ARID4B: variants seen among roughly 807,000 people sequenced by gnomAD.
ARID4B encodes AT-rich interactive domain-containing protein 4B.
ARID4B carries 26 observed loss-of-function variants against 147.5 expected under a neutral mutation model. The ratio of observed to expected loss-of-function variants is 0.18; its 90% CI spans 0.13 to 0.24. The LOEUF is 0.24. ARID4B is among the 10% of genes least tolerant of loss of function. The pLI, the probability that ARID4B is intolerant of heterozygous loss-of-function variation, is 1.00. For missense variants in ARID4B, 1,179 were observed against 1,511.5 expected (o/e 0.78, Z 3.65); for synonymous variants, 512 against 507.9 (o/e 1.01, Z -0.11).
intron 17 of ARID4B, 104 bp downstream of exon 17, chr1:235,213,665 A>C: frequency 7.8e-7 from 1 of 1,280,382 alleles, no homozygotes; most frequent in South Asian, 1.5e-5. Flanking sequence ...CTATGACCTC[A>C]ATTAGAATAC....
At chr1:235,310,464 C>T (rs1009583382) in intron 2 of ARID4B, among the ~76,000 whole-genome samples, 1 of 152,180 alleles carries the variant, frequency 6.6e-6, no homozygotes, top group Non-Finnish European at 1.5e-5. Context: ...CATCTTTACA[C>T]CTGCTTCTTC....
intron 14 of ARID4B, among the ~76,000 whole-genome samples, 160 bp from the exon 15 acceptor site, chr1:235,220,705 A>G (rs1667404782): frequency 6.6e-6 from 1 of 152,126 alleles, no homozygotes; most frequent in Non-Finnish European, 1.5e-5. Context: ...TTCAATGCAA[A>G]AAAAAAATTT....
At chr1:235,289,487 G>A (rs1039378835) in intron 2 of ARID4B, among the ~76,000 whole-genome samples, 1 of 152,084 alleles carries the variant, frequency 6.6e-6, no homozygotes, top group South Asian at 2.1e-4. Flanking sequence ...ACACTGGGAG[G>A]CCGAGGTAGG....
chr1:235,208,563 C>T (rs1406961193), intron 17 of ARID4B, among the ~76,000 whole-genome samples: 5 of 151,952 alleles, frequency 3.3e-5, no homozygotes, highest in Admixed American at 6.6e-5. Context: ...AGTGCAATGG[C>T]GCAATCTCGG....
intron 2 of ARID4B, among the ~76,000 whole-genome samples, chr1:235,319,644 C>G (rs965151361): frequency 5.9e-5 from 9 of 152,026 alleles, no homozygotes; most frequent in Non-Finnish European, 1.0e-4. Flanking sequence ...TTTGACAATG[C>G]CTTCATGGTC....
At chr1:235,223,721 C>A (rs1469011381) in intron 12 of ARID4B, among the ~76,000 whole-genome samples, 1 of 129,046 alleles carries the variant, frequency 7.7e-6, no homozygotes. Flanking sequence ...CAAGAAAACG[C>A]AAGGCAAGGA....
intron 11 of ARID4B, 91 bp downstream of exon 11, chr1:235,229,140 T>C (rs1436940979): frequency 1.1e-5 from 15 of 1,382,344 alleles, no homozygotes; most frequent in East Asian, 2.3e-5. Flanking sequence ...AAAATACTTA[T>C]ATGAGTAATG....
At chr1:235,184,291 C>T (rs1571916752) in intron 19 of ARID4B, among the ~76,000 whole-genome samples, 1 of 151,994 alleles carries the variant, frequency 6.6e-6, no homozygotes, top group Non-Finnish European at 1.5e-5. Context: ...ATGCTGGTTA[C>T]TTTTGATACA....
At chr1:235,201,790 A>T (rs374948643) in intron 17 of ARID4B, among the ~76,000 whole-genome samples, 1 of 152,080 alleles carries the variant, frequency 6.6e-6, no homozygotes, top group Non-Finnish European at 1.5e-5. Flanking sequence ...AGGCTGAGGC[A>T]GGAGAATCAC....
intron 17 of ARID4B, among the ~76,000 whole-genome samples, chr1:235,206,594 A>AAAGGAAAATAAACAG (rs1187943910): frequency 6.6e-5 from 10 of 152,124 alleles, no homozygotes; most frequent in Non-Finnish European, 1.0e-4. Flanking sequence ...GAAAGGAAGA[A>AAAGGAAAATAAACAG]AAGGAAAATA....
chr1:235,326,828 G>C, intron 2 of ARID4B, 86 bp downstream of exon 2: 2 of 1,536,128 alleles, frequency 1.3e-6, no homozygotes, highest in Non-Finnish European at 9.0e-7. Flanking sequence ...TGCAAAACTC[G>C]GAAGCCCCAC....
At chr1:235,191,344 G>A (rs1024671140) in intron 19 of ARID4B, among the ~76,000 whole-genome samples, 3 of 151,802 alleles carry the variant, frequency 2.0e-5, no homozygotes, top group African/African-American at 7.3e-5. Flanking sequence ...TGCCTCCTGG[G>A]TTCAAGCGAT....
rs1298300384 is a variant in ARID4B, at chr1:235,219,945, T to G, written c.1431A>C (p.Glu477Asp). ...PSLGSKKNLLESIPTHSDQEK... is the reference protein window; with the variant it reads ...PSLGSKKNLLDSIPTHSDQEK... The stretch of plus-strand genomic sequence containing the variant: ...CCTGATCAGAATGTGTAGGTATAGA[T>G]TCTAATAAATTCTTTTTACTTCCCT... Residue 477 changes from glutamate (E) to aspartate (D), a missense_variant, in exon 16 of 24, where the codon GAA (glutamate) becomes GAC (aspartate). By Grantham distance (45) the Glu-to-Asp change is conservative (BLOSUM62 2). Around this residue, in one of 10 missense-constraint regions of ARID4B, gnomAD observed 204 missense variants for 210.9 expected, o/e 0.97. Coordinates refer to ENST00000264183, the MANE Select transcript of ARID4B (RefSeq NM_016374.6). 5 of 1,548,394 alleles carry G rather than the reference T, an allele frequency of 3.2e-6. No individual in the cohort carries two copies. The highest frequency in any genetic ancestry group is 4.3e-6 in the Non-Finnish European group (5 of 1,151,494).
intron 23 of ARID4B, among the ~76,000 whole-genome samples, chr1:235,171,059 T>C (rs895792419): frequency 6.6e-6 from 1 of 152,204 alleles, no homozygotes; most frequent in African/African-American, 2.4e-5. Context: ...AATATTCTAC[T>C]ATATTACAAC....
chr1:235,253,915 T>C (rs1669794489), intron 5 of ARID4B, among the ~76,000 whole-genome samples: 1 of 152,200 alleles, frequency 6.6e-6, no homozygotes, highest in Admixed American at 6.5e-5. Flanking sequence ...TATTGAGAAA[T>C]GATTAATGGT....
chr1:235,184,150 AATAGAT>A (rs1438685290), intron 19 of ARID4B, among the ~76,000 whole-genome samples: 2 of 152,224 alleles, frequency 1.3e-5, no homozygotes, highest in Non-Finnish European at 2.9e-5. Context: ...TGTTTTAAAG[AATAGAT>A]ATAATTAATT....
chr1:235,322,355 C>T (rs11586160), intron 2 of ARID4B, among the ~76,000 whole-genome samples: 19,982 of 152,118 alleles, frequency 0.13, 1,526 homozygotes, highest in African/African-American at 0.2. Context: ...AGCTTCATCT[C>T]CCACCACTGC....
At chr1:235,239,567 A>G (rs182246042) in intron 8 of ARID4B, among the ~76,000 whole-genome samples, 61 of 152,348 alleles carry the variant, frequency 4.0e-4, no homozygotes, top group African/African-American at 1.3e-3. Context: ...TGGTCTATAC[A>G]TGGCCCTTTC....
intron 2 of ARID4B, among the ~76,000 whole-genome samples, chr1:235,304,575 A>G (rs1037895977): frequency 6.6e-6 from 1 of 152,172 alleles, no homozygotes; most frequent in African/African-American, 2.4e-5. Context: ...ACAAATTAAG[A>G]GTTAAGGGGC....
Sources: allele counts gnomAD v4.1 joint callset (sites outside exome capture counted in the v4.1 genomes callset), GRCh38; gene constraint gnomAD v4.1.1; regional missense constraint gnomAD v4.1.1; transcripts MANE v1.5; gene names NCBI Gene and HGNC (gene_info 2026-07-23, HGNC 2026-07-21).